Variants in CTDSPL observed in about 807,000 individuals in gnomAD.
The protein encoded by CTDSPL is CTD small phosphatase-like protein.
Under a neutral mutation model 30.5 loss-of-function variants are expected in CTDSPL, and 8 were observed. The observed-to-expected ratio is 0.26, with a 90% CI of 0.15 to 0.47. The LOEUF is 0.47. CTDSPL is among the 20% of genes least tolerant of loss of function. The pLI is 0.99. For synonymous variants in CTDSPL, 110 were observed against 137.9 expected (o/e 0.80, Z 1.42); for missense variants, 248 against 366.1 (o/e 0.68, Z 2.63).
At chr3:37,959,193 G>A (rs926067998) in intron 3 of CTDSPL, among the ~76,000 whole-genome samples, 1 of 152,208 alleles carries the variant, frequency 6.6e-6, no homozygotes, top group South Asian at 2.1e-4. Flanking sequence ...TGCATCTGGG[G>A]TCCCTATCTG....
chr3:37,968,353 C>A (rs1259352633), intron 5 of CTDSPL: 6 of 397,042 alleles, frequency 1.5e-5, no homozygotes, highest in Admixed American at 6.2e-5. Flanking sequence ...AGCAAATACC[C>A]ACCCCAAAAG....
At position 37,965,526 on chromosome 3, in the gene CTDSPL, T is replaced by A. The variant is rs115029599; in HGVS notation, c.369+854T>A. Among the ~76,000 whole-genome samples, 1,025 of 152,312 alleles carry A rather than the reference T, an allele frequency of 6.7e-3. 14 individuals are homozygous for A. The highest frequency in any genetic ancestry group is 0.022 in the African/African-American group (907 of 41,558). On this transcript the variant is annotated intron_variant, in intron 4 of 7. Coordinates refer to ENST00000273179, the MANE Select transcript of CTDSPL (RefSeq NM_001008392.2). Reference sequence around the variant, plus strand: ...CTGGTCTTGTTTTCCTTGGATTATTTCTGGTAATGGGACTGCTCTATCATT... The same window carrying A: ...CTGGTCTTGTTTTCCTTGGATTATTACTGGTAATGGGACTGCTCTATCATT...
chr3:37,926,996 TTCTTGGTCACA>T (rs1698788526), intron 1 of CTDSPL, among the ~76,000 whole-genome samples: 2 of 152,194 alleles, frequency 1.3e-5, no homozygotes, highest in African/African-American at 4.8e-5. Flanking sequence ...GGTACTTCAC[TTCTTGGTCACA>T]TCTTGGCCAG....
intron 1 of CTDSPL, among the ~76,000 whole-genome samples, chr3:37,874,099 G>A (rs765337811): frequency 1.3e-5 from 2 of 152,224 alleles, no homozygotes; most frequent in Admixed American, 6.5e-5. Context: ...CTCATGGTGC[G>A]TAGACAGGGC....
At chr3:37,925,810 C>T (rs1249767336) in intron 1 of CTDSPL, among the ~76,000 whole-genome samples, 2 of 151,762 alleles carry the variant, frequency 1.3e-5, no homozygotes, top group Non-Finnish European at 2.9e-5. Flanking sequence ...GCACTTTTCT[C>T]GCACGGGTGA....
chr3:37,896,353 A>AG (rs1698389869), intron 1 of CTDSPL, among the ~76,000 whole-genome samples: 1 of 152,104 alleles, frequency 6.6e-6, no homozygotes. Context: ...GGCATCACCA[A>AG]GGGGGCGGAA....
At chr3:37,960,505 A>AATATAT (rs1379736177) in intron 3 of CTDSPL, among the ~76,000 whole-genome samples, 17 of 38,508 alleles carry the variant, frequency 4.4e-4, no homozygotes, top group Non-Finnish European at 4.8e-4. Flanking sequence ...AAAAAAAAAA[A>AATATAT]ATATATATAT....
intron 2 of CTDSPL, among the ~76,000 whole-genome samples, chr3:37,953,493 G>A (rs1247492054): frequency 6.6e-6 from 1 of 152,202 alleles, no homozygotes; most frequent in Non-Finnish European, 1.5e-5. Context: ...GGAATTATTT[G>A]GTGGACAGTG....
chr3:37,962,921 A>G (rs1234384650), intron 3 of CTDSPL, among the ~76,000 whole-genome samples: 1 of 152,224 alleles, frequency 6.6e-6, no homozygotes, highest in Non-Finnish European at 1.5e-5. Flanking sequence ...AACAAAAATG[A>G]CCCACATTCT....
At chr3:37,962,500 C>G (rs769772518) in intron 3 of CTDSPL, among the ~76,000 whole-genome samples, 3 of 152,168 alleles carry the variant, frequency 2.0e-5, no homozygotes, top group Non-Finnish European at 4.4e-5. Context: ...TAACTTTTCT[C>G]TCTTAGATTG....
intron 1 of CTDSPL, among the ~76,000 whole-genome samples, chr3:37,869,408 C>G (rs1485332976): frequency 6.6e-6 from 1 of 151,902 alleles, no homozygotes. Flanking sequence ...TATTTTGGTG[C>G]CCACGTGTTC....
chr3:37,910,473 C>T (rs4586763), intron 1 of CTDSPL, among the ~76,000 whole-genome samples: 37,109 of 151,800 alleles, frequency 0.24, 6,227 homozygotes, highest in African/African-American at 0.48. Flanking sequence ...AAGAACAAAA[C>T]TCTATCTCAG....
At chr3:37,921,679 GC>G (rs143853561) in intron 1 of CTDSPL, among the ~76,000 whole-genome samples, 1,738 of 151,604 alleles carry the variant, frequency 0.011, 33 homozygotes, top group African/African-American at 0.04. Flanking sequence ...CAGCTTTTGT[GC>G]TGATATTGAA....
intron 1 of CTDSPL, among the ~76,000 whole-genome samples, chr3:37,879,977 C>T (rs1028676067): frequency 2.6e-5 from 4 of 151,494 alleles, no homozygotes; most frequent in Non-Finnish European, 5.9e-5. Flanking sequence ...TTCAGTCATT[C>T]CAAGTGCTTG....
Position 37,981,421 on chromosome 3 carries a change from G to GTATCATTAAAAA in CTDSPL, c.*554_*555insTATCATTAAAAA. 1 of 173,028 alleles carries GTATCATTAAAAA rather than the reference G, an allele frequency of 5.8e-6. No homozygotes were observed. Among genetic ancestry groups the GTATCATTAAAAA allele is most frequent in the Admixed American group, 5.8e-5 (1 of 17,140 alleles). The allele number at this position is 173,028 out of a possible 1,614,324, so 10.7% of individuals were successfully genotyped here. ...GTGTGTGTGTGTGGCGGGGGGTGCT[G>GTATCATTAAAAA]AGGGAGGGGAGTGAGTCACAGGAGC... On this transcript the variant is annotated 3_prime_UTR_variant, in exon 8 of 8. Coordinates refer to ENST00000273179, the MANE Select transcript of CTDSPL (RefSeq NM_001008392.2).
intron 1 of CTDSPL, among the ~76,000 whole-genome samples, chr3:37,914,140 G>A (rs1256170684): frequency 1.3e-5 from 2 of 152,068 alleles, no homozygotes; most frequent in Non-Finnish European, 2.9e-5. Context: ...TTTCTGTGTA[G>A]AGGTCTTGTT....
At chr3:37,884,832 G>C (rs1364145147) in intron 1 of CTDSPL, among the ~76,000 whole-genome samples, 2 of 151,988 alleles carry the variant, frequency 1.3e-5, no homozygotes, top group Non-Finnish European at 2.9e-5. Context: ...CTAATTTCTT[G>C]GTGAAATCAG....
chr3:37,952,386 C>A (rs1329063340), intron 2 of CTDSPL, among the ~76,000 whole-genome samples: 2 of 152,240 alleles, frequency 1.3e-5, no homozygotes, highest in Non-Finnish European at 2.9e-5. Flanking sequence ...TGTCTTTCTG[C>A]TCCCCTATCC....
chr3:37,933,797 T>C (rs1235072250), intron 1 of CTDSPL, among the ~76,000 whole-genome samples: 1 of 152,250 alleles, frequency 6.6e-6, no homozygotes. Flanking sequence ...CGAATACATA[T>C]GGAGCTGCAT....
Sources: allele counts gnomAD v4.1 joint callset (sites outside exome capture counted in the v4.1 genomes callset), GRCh38; gene constraint gnomAD v4.1.1; transcripts MANE v1.5; gene names NCBI Gene and HGNC (gene_info 2026-07-23, HGNC 2026-07-21).